WDR41: variants seen among roughly 807,000 people sequenced by gnomAD.
WDR41 encodes the protein WD repeat-containing protein 41.
Under a neutral mutation model 69.3 loss-of-function variants are expected in WDR41, and 63 were observed. That is an observed-to-expected ratio of 0.91 (90% CI 0.74 to 1.12). WDR41 has a LOEUF of 1.12. Among genes scored for constraint, WDR41 ranks in the 50% most tolerant of loss-of-function variants. The pLI is 0.00. For synonymous variants in WDR41, 185 were observed against 192.1 expected, an observed-to-expected ratio of 0.96 and a Z score of 0.31; for missense variants, 543 against 534.5, an observed-to-expected ratio of 1.02 and a Z score of -0.16.
In WDR41 at chr5:77,459,070, T is replaced by C. The variant is rs1322252839; in HGVS notation, c.403A>G (p.Thr135Ala). 2 of 1,598,558 alleles carry C rather than the reference T, an allele frequency of 1.3e-6. No individual in the cohort carries two copies. The highest frequency in any genetic ancestry group is 8.5e-7 in the Non-Finnish European group (1 of 1,169,626). Residue 135 changes from threonine to alanine, a missense_variant, in exon 5 of 13, where the codon ACT (threonine) becomes GCT (alanine). Coordinates refer to ENST00000296679, the MANE Select transcript of WDR41 (RefSeq NM_018268.4). Reference sequence around the variant, plus strand: ...TTTACTTAAGATTTTACCTTTACAGTAGACTGGAAGCATGATATTCTCTGA... The same window carrying C: ...TTTACTTAAGATTTTACCTTTACAGCAGACTGGAAGCATGATATTCTCTGA... ...QVQRISCFQS[T>A]VKCLTVLQRL...
intron 1 of WDR41, among the ~76,000 whole-genome samples, chr5:77,591,283 T>C (rs1702264701): frequency 6.6e-6 from 1 of 152,176 alleles, no homozygotes; most frequent in African/African-American, 2.4e-5. Context: ...CATTTGTGCC[T>C]TCTCTGCTTT....
chr5:77,437,935 T>C (rs146961108), intron 10 of WDR41, among the ~76,000 whole-genome samples: 244 of 152,284 alleles, frequency 1.6e-3, no homozygotes, highest in African/African-American at 5.3e-3. Flanking sequence ...TTATGAGAAA[T>C]ATAAAAATTG....
chr5:77,438,525 G>T (rs138320920), intron 9 of WDR41, among the ~76,000 whole-genome samples, 164 bp from the exon 10 acceptor site: 40 of 152,166 alleles, frequency 2.6e-4, no homozygotes, highest in African/African-American at 9.4e-4. Flanking sequence ...AAATGTCAAA[G>T]CACTAAAGAA....
rs997859744 is a variant in WDR41 at position 77,603,157 on chromosome 5, C to T, written c.42+17322G>A. 5.9e-5 allele frequency among the ~76,000 whole-genome samples: 9 copies of T among 152,158 alleles called. No homozygotes were observed. The East Asian group carries it at 1.2e-3, about 20-fold the overall frequency. ...TTCACCAAGTTAGCCAGGATGGTCTCGATCTCCTGACCTCGTGATCCCCCT... is the reference window on the plus strand; with the variant it reads ...TTCACCAAGTTAGCCAGGATGGTCTTGATCTCCTGACCTCGTGATCCCCCT... On this transcript the variant is annotated intron_variant, in intron 1 of 5. Transcript: ENST00000509971.
chr5:77,435,560 TGAAAA>T (rs924135920), intron 12 of WDR41, among the ~76,000 whole-genome samples: 33 of 152,290 alleles, frequency 2.2e-4, no homozygotes, highest in Non-Finnish European at 2.9e-4. Context: ...CCCTTTCAAA[TGAAAA>T]GAAATTTTTT....
intron 2 of WDR41, among the ~76,000 whole-genome samples, chr5:77,486,291 T>C (rs1044137407): frequency 3.3e-5 from 5 of 152,180 alleles, no homozygotes; most frequent in Admixed American, 2.6e-4. Context: ...ATATGTAAAT[T>C]TGATGACTTT....
chr5:77,595,147 GGTC>G (rs2112314048), intron 1 of WDR41, among the ~76,000 whole-genome samples: 1 of 134,106 alleles, frequency 7.5e-6, no homozygotes, highest in South Asian at 2.4e-4. Flanking sequence ...TGAAATTTAA[GGTC>G]TTCTTCGTGC....
intron 1 of WDR41, among the ~76,000 whole-genome samples, chr5:77,578,269 C>G (rs6453331): frequency 0.72 from 109,960 of 152,034 alleles, 41,086 homozygotes; most frequent in African/African-American, 0.9. Flanking sequence ...TAGAGTTTAA[C>G]AGGCTTAACA....
chr5:77,581,647 T>C (rs755528313), intron 1 of WDR41, among the ~76,000 whole-genome samples: 4 of 152,150 alleles, frequency 2.6e-5, no homozygotes, highest in Non-Finnish European at 5.9e-5. Flanking sequence ...AATAATACAG[T>C]GTATGTTCTC....
At chr5:77,493,722 C>T (rs192503442), upstream of WDR41, among the ~76,000 whole-genome samples, 9 of 152,276 alleles carry the variant, frequency 5.9e-5, no homozygotes, top group East Asian at 1.7e-3. Flanking sequence ...AAACAAAACT[C>T]AGAGACATCA....
chr5:77,454,998 T>A (rs1799770866), intron 5 of WDR41, among the ~76,000 whole-genome samples: 1 of 152,220 alleles, frequency 6.6e-6, no homozygotes, highest in South Asian at 2.1e-4. Flanking sequence ...TGAACTTACA[T>A]TTTCATATCT....
chr5:77,466,749 T>C (rs1800324852), intron 2 of WDR41, among the ~76,000 whole-genome samples: 1 of 151,638 alleles, frequency 6.6e-6, no homozygotes, highest in Non-Finnish European at 1.5e-5. Flanking sequence ...GCAAGGTCAA[T>C]TACCTGGTTG....
intron 1 of WDR41, among the ~76,000 whole-genome samples, chr5:77,533,788 C>T (rs995077267): frequency 2.0e-5 from 3 of 151,836 alleles, no homozygotes; most frequent in Non-Finnish European, 4.4e-5. Context: ...GTGTAGGGGC[C>T]CCTTCATATC....
intron 2 of WDR41, among the ~76,000 whole-genome samples, chr5:77,480,357 A>G (rs1223672843): frequency 6.6e-6 from 1 of 152,136 alleles, no homozygotes; most frequent in Non-Finnish European, 1.5e-5. Flanking sequence ...TCATGCTGCT[A>G]TAAAGACACA....
intron 1 of WDR41, among the ~76,000 whole-genome samples, chr5:77,568,700 A>C (rs1488001067): frequency 6.6e-6 from 1 of 152,166 alleles, no homozygotes; most frequent in African/African-American, 2.4e-5. Flanking sequence ...TGGAAACACA[A>C]GAATTATTAA....
At position 77,607,928 on chromosome 5, in the gene WDR41, C is replaced by T. The variant is rs148987916; in HGVS notation, c.42+12551G>A. Among the ~76,000 whole-genome samples, 415 of 152,256 alleles carry T rather than the reference C, an allele frequency of 2.7e-3. 1 individual carries two copies. Among genetic ancestry groups the T allele is most frequent in the Middle Eastern group, 0.014 (4 of 294 alleles). On this transcript the variant is annotated intron_variant, in intron 1 of 5. Coordinates refer to the WDR41 transcript ENST00000509971. Reference sequence around the variant, plus strand: ...CAATCAGGCTTTTGCCCACATGAAACTTTATAGAACTACTTTTTTATGTGG... The same window carrying T: ...CAATCAGGCTTTTGCCCACATGAAATTTTATAGAACTACTTTTTTATGTGG...
chr5:77,500,857 A>C (rs1480340369), intron 1 of WDR41, among the ~76,000 whole-genome samples: 1 of 152,252 alleles, frequency 6.6e-6, no homozygotes, highest in Non-Finnish European at 1.5e-5. Context: ...TAAAAACTTT[A>C]AAATTTGAAT....
At chr5:77,599,197 C>CTTTT (rs34759217) in intron 1 of WDR41, among the ~76,000 whole-genome samples, 194 of 76,216 alleles carry the variant, frequency 2.5e-3, no homozygotes, top group Non-Finnish European at 3.1e-3. Context: ...ATCGGAAGCT[C>CTTTT]TTTTTTTTTT....
chr5:77,611,449 A>T (rs549014405), intron 1 of WDR41, among the ~76,000 whole-genome samples: 1 of 152,256 alleles, frequency 6.6e-6, no homozygotes, highest in African/African-American at 2.4e-5. Flanking sequence ...AAACTACAAC[A>T]AACTGTCTCT....
Sources: gnomAD v4.1 joint callset for allele counts (sites outside exome capture counted in the v4.1 genomes callset) on GRCh38, gnomAD v4.1.1 for gene constraint, MANE v1.5 for transcripts, NCBI Gene and HGNC (gene_info 2026-07-23, HGNC 2026-07-21) for gene names.